The following OGFOD1 variants were observed in gnomAD, a reference collection of about 807,000 sequenced individuals.
The protein encoded by OGFOD1 is 2-oxoglutarate and iron dependent oxygenase domain containing 1, also known as prolyl 3-hydroxylase OGFOD1.
In OGFOD1, 54 loss-of-function variants were observed where a neutral mutation model predicts 67.7. The ratio of observed to expected loss-of-function variants is 0.80; its 90% confidence interval spans 0.64 to 1.00. The LOEUF (loss-of-function observed/expected upper bound fraction) is 1.00. Ranked by LOEUF, OGFOD1 falls within the 50% of genes least tolerant of loss-of-function variation. The probability of loss-of-function intolerance (pLI) is 0.00; values close to 1 mark genes in which losing one functional copy is unlikely to be tolerated. For missense variants in OGFOD1, 606 were observed against 646.7 expected (o/e 0.94, Z 0.68); for synonymous variants, 221 against 227.0 (o/e 0.97, Z 0.24).
intron 10 of OGFOD1, 46 bp downstream of exon 10, chr16:56,470,837 CCATT>C (rs778611246): frequency 5.5e-5 from 82 of 1,478,338 alleles, no homozygotes; most frequent in Non-Finnish European, 1.4e-5. Context: ...TAACCATTCA[CCATT>C]CAAACATGTA....
At chr16:56,463,713 T>C (rs1297895339) in intron 4 of OGFOD1, among the ~76,000 whole-genome samples, 2 of 150,992 alleles carry the variant, frequency 1.3e-5, no homozygotes, top group African/African-American at 4.9e-5. Context: ...TGAGCTACCA[T>C]GCCAGTATTT....
At chr16:56,471,993 G>A (rs993433646) in intron 10 of OGFOD1, among the ~76,000 whole-genome samples, 6 of 152,066 alleles carry the variant, frequency 3.9e-5, no homozygotes, top group Admixed American at 3.9e-4. Context: ...ACACGGTCTT[G>A]CACTGTCACC....
chr16:56,466,893 C>T lies in OGFOD1; in HGVS notation c.583C>T (p.Gln195Ter). The T allele has an allele frequency of 6.2e-7, 1 of 1,613,312 alleles. No individual in the cohort carries two copies. ...YSIDEHFQPK[Q>*]IVKSLIPSWN... ...TGGTGCAGAACACTTTCAGCCGAAG[C>T]AGATTGTCAAGTCTCTTATCCCTTC... The change falls in exon 6 of 13, where the codon CAG becomes TAG. Residue 195 changes from glutamine (Q) to a stop codon, truncating the protein, a stop_gained. Transcript: ENST00000566157. LOFTEE classifies it high-confidence loss of function.
chr16:56,476,421 CTT>C lies in OGFOD1; in HGVS notation c.*227_*228del, dbSNP rs369101951. On this transcript the variant is annotated 3_prime_UTR_variant, in exon 13 of 13. Transcript: ENST00000566157. ...CTCTTGATTAAAAAAAAAAAGTTGG[CTT>C]TTTTTTTTTTAACATTTAGTCCTTT... 252 of 285,922 alleles carry C rather than the reference CTT, an allele frequency of 8.8e-4. No homozygotes were observed. The highest frequency in any genetic ancestry group is 1.0e-3 in the Non-Finnish European group (164 of 159,116). 17.7% of individuals were successfully genotyped at this position (285,922 alleles called of 1,614,324 possible).
At chr16:56,454,477 G>A (rs188767689) in intron 2 of OGFOD1, among the ~76,000 whole-genome samples, 40 of 151,294 alleles carry the variant, frequency 2.6e-4, no homozygotes, top group Middle Eastern at 3.4e-3. Flanking sequence ...GTTTAATTGG[G>A]CAGAAAAGAC....
chr16:56,474,097 A>G (rs1433779473), intron 10 of OGFOD1, among the ~76,000 whole-genome samples: 2 of 152,006 alleles, frequency 1.3e-5, no homozygotes, highest in Non-Finnish European at 2.9e-5. Flanking sequence ...AGATTGTAAT[A>G]GTTCATTTTT....
At chr16:56,470,855 A>AT (rs774840763) in intron 10 of OGFOD1, 64 bp downstream of exon 10, 34 of 1,430,784 alleles carry the variant, frequency 2.4e-5, no homozygotes, top group Non-Finnish European at 2.9e-5. Context: ...ACATGTATTC[A>AT]TTCAACAAAC....
intron 2 of OGFOD1, among the ~76,000 whole-genome samples, chr16:56,453,996 TG>T (rs1396908299): frequency 6.6e-6 from 1 of 152,142 alleles, no homozygotes; most frequent in Non-Finnish European, 1.5e-5. Context: ...TAAGTACATG[TG>T]GGTAAGTGGT....
chr16:56,471,023 T>C (rs1963147960), intron 10 of OGFOD1, among the ~76,000 whole-genome samples: 1 of 152,104 alleles, frequency 6.6e-6, no homozygotes, highest in Non-Finnish European at 1.5e-5. Flanking sequence ...TGATAAGTGC[T>C]ATGCAAAACA....
intron 4 of OGFOD1, 39 bp from the exon 5 acceptor site, chr16:56,466,113 T>C (rs1962887334): frequency 1.4e-6 from 2 of 1,446,548 alleles, no homozygotes; most frequent in East Asian, 4.5e-5. Flanking sequence ...AGCTGGTCAC[T>C]ATCTGCAGGG....
chr16:56,473,481 A>G (rs1963298926), intron 10 of OGFOD1, among the ~76,000 whole-genome samples: 1 of 152,210 alleles, frequency 6.6e-6, no homozygotes. Flanking sequence ...TACAGGTGAT[A>G]CATCAAAGAC....
chr16:56,453,381 G>C lies in OGFOD1; in HGVS notation c.273G>C (p.Lys91Asn), dbSNP rs368228162. 3.8e-5 allele frequency: 62 copies of C among 1,612,008 alleles called. No individual in the cohort carries two copies. The highest frequency in any genetic ancestry group is 1.6e-4 in the Middle Eastern group (1 of 6,080). ...TGATGAACTTGGACTTCCATGAGAAGTATAATGATTTATATAAGTTCCAGC... is the reference window on the plus strand; with the variant it reads ...TGATGAACTTGGACTTCCATGAGAACTATAATGATTTATATAAGTTCCAGC... ...KELMNLDFHE[K>N]YNDLYKFQQS... The change falls in exon 2 of 13, where the codon AAG becomes AAC. Residue 91 changes from lysine (K) to asparagine (N), a missense_variant. Lys to Asn is a moderately conservative substitution (Grantham distance 94). Coordinates refer to ENST00000566157, the MANE Select transcript of OGFOD1 (RefSeq NM_018233.4).
chr16:56,451,893 C>G, intron 1 of OGFOD1, 127 bp downstream of exon 1: 2 of 1,023,436 alleles, frequency 2.0e-6, no homozygotes, highest in Non-Finnish European at 2.8e-6. Flanking sequence ...GGACTTTGGC[C>G]ACCTCCTACT....
upstream of OGFOD1, chr16:56,451,541 G>A: frequency 6.6e-7 from 1 of 1,526,408 alleles, no homozygotes; most frequent in Non-Finnish European, 9.0e-7. Context: ...AAGGGGACAT[G>A]CCGGGAGTTG....
At chr16:56,465,191 G>T (rs1962854779) in intron 4 of OGFOD1, among the ~76,000 whole-genome samples, 2 of 151,888 alleles carry the variant, frequency 1.3e-5, no homozygotes, top group Admixed American at 1.3e-4. Flanking sequence ...GTAGAGATGG[G>T]GTTTTGCCAT....
chr16:56,458,159 T>C (rs1486262124), intron 2 of OGFOD1: 2 of 224,534 alleles, frequency 8.9e-6, no homozygotes, highest in Admixed American at 1.1e-4. Context: ...GAAGTCTACC[T>C]TGGCCAACCT....
intron 3 of OGFOD1, among the ~76,000 whole-genome samples, chr16:56,460,306 T>C (rs191996123): frequency 4.6e-5 from 7 of 152,346 alleles, no homozygotes; most frequent in South Asian, 2.1e-4. Flanking sequence ...TTGGATTCTG[T>C]GAGTTCCTTC....
chr16:56,467,825 T>C lies in OGFOD1; in HGVS notation c.787-80T>C, dbSNP rs1310192742. The C allele has an allele frequency of 3.9e-6, 3 of 762,894 alleles. No homozygotes were observed. In the African/African-American group the frequency reaches 5.2e-5, roughly 13 times the overall value. 47.3% of individuals were successfully genotyped at this position (762,894 alleles called of 1,614,324 possible). Reference sequence around the variant, plus strand: ...TTATAAAATGAGGATTTGCATGTATTTTATTAGTGTGAAATGATGTAAGAG... The same window carrying C: ...TTATAAAATGAGGATTTGCATGTATCTTATTAGTGTGAAATGATGTAAGAG... On this transcript the variant is annotated intron_variant, in intron 7 of 12. Transcript: ENST00000566157.
intron 1 of OGFOD1, 46 bp downstream of exon 1, chr16:56,451,812 G>C: frequency 6.3e-7 from 1 of 1,596,348 alleles, no homozygotes; most frequent in African/African-American, 1.3e-5. Context: ...GAGGTCTAGG[G>C]ATCTCTGAAA....
Sources: allele counts gnomAD v4.1 joint callset (sites outside exome capture counted in the v4.1 genomes callset), GRCh38; gene constraint gnomAD v4.1.1; transcripts MANE v1.5; gene names NCBI Gene and HGNC (gene_info 2026-07-23, HGNC 2026-07-21).